Variants in EDA observed in about 807,000 individuals in gnomAD.
EDA encodes the protein ectodysplasin A.
EDA carries 2 observed loss-of-function variants against 23.6 expected under a neutral mutation model. The ratio of observed to expected loss-of-function variants is 0.08; its 90% CI spans 0.03 to 0.27. EDA has a LOEUF of 0.27. Among genes scored for constraint, EDA ranks in the 10% least tolerant of loss-of-function variants. The pLI, the probability that EDA is intolerant of heterozygous loss-of-function variation, is 1.00. For missense variants in EDA, 229 were observed against 324.2 expected, an observed-to-expected ratio of 0.71 and a Z score of 2.26; for synonymous variants, 131 against 132.0, an observed-to-expected ratio of 0.99 and a Z score of 0.05.
At chrX:69,825,686 GTC>G (rs1224520181) in intron 1 of EDA, among the ~76,000 whole-genome samples, 8 of 112,866 alleles carry the variant, frequency 7.1e-5, no homozygotes, top group African/African-American at 2.6e-4. Flanking sequence ...GGTTTTTTGT[GTC>G]TCTATTTCCT....
intron 1 of EDA, among the ~76,000 whole-genome samples, chrX:69,687,449 G>C (rs1934583268): frequency 9.0e-6 from 1 of 111,346 alleles, no homozygotes; most frequent in African/African-American, 3.3e-5. Flanking sequence ...ATGAACATGA[G>C]ATGTCTTTTC....
intron 1 of EDA, among the ~76,000 whole-genome samples, chrX:69,682,987 C>A (rs948811225): frequency 9.0e-6 from 1 of 111,421 alleles, no homozygotes; most frequent in Non-Finnish European, 1.9e-5. Flanking sequence ...TAGCTGGATA[C>A]CCCAGGTTTG....
At chrX:69,720,808 C>T (rs918345384) in intron 1 of EDA, among the ~76,000 whole-genome samples, 5 of 112,495 alleles carry the variant, frequency 4.4e-5, no homozygotes, top group South Asian at 3.6e-4. Context: ...ATAATAGCTG[C>T]TTTCAAATGT....
rs902407521 is a variant in EDA, at chrX:69,619,280, G to T, written c.396+2576G>T. ...GTAAGGAGTGAAGGCAAGCTGATGA[G>T]AGTAAACTGCAGGAAGCTCTCATGA... On this transcript the variant is annotated intron_variant, in intron 1 of 7. Coordinates refer to ENST00000374552, the MANE Select transcript of EDA (RefSeq NM_001399.5). Among the ~76,000 whole-genome samples the T allele has an allele frequency of 3.6e-5, 4 of 112,062 alleles. No homozygotes were observed. The Admixed American group carries it at 3.8e-4, about 11-fold the overall frequency.
At chrX:69,624,557 G>A (rs769531606) in intron 1 of EDA, among the ~76,000 whole-genome samples, 11 of 111,232 alleles carry the variant, frequency 9.9e-5, no homozygotes, top group Middle Eastern at 4.2e-3. Flanking sequence ...CTTCTGGCAC[G>A]TGGTTAGAGA....
chrX:69,746,765 A>G, intron 1 of EDA, among the ~76,000 whole-genome samples: 1 of 111,248 alleles, frequency 9.0e-6, no homozygotes, highest in Admixed American at 9.6e-5. Context: ...AAAGAAAGAA[A>G]TTGAAAAGAT....
At chrX:69,729,718 A>G in intron 1 of EDA, among the ~76,000 whole-genome samples, 1 of 111,720 alleles carries the variant, frequency 9.0e-6, no homozygotes, top group African/African-American at 3.3e-5. Flanking sequence ...CACATTTTCT[A>G]CCACTCCACC....
Position 69,657,965 on chromosome X carries a change from A to G in EDA, c.396+41261A>G, listed in dbSNP as rs543264081. 2.7e-3 allele frequency among the ~76,000 whole-genome samples: 305 copies of G among 111,477 alleles called. 12 individuals carry two copies. In the South Asian group the frequency reaches 0.091, roughly 33 times the overall value. On this transcript the variant is annotated intron_variant, in intron 1 of 7. Coordinates refer to ENST00000374552, the MANE Select transcript of EDA (RefSeq NM_001399.5). ...GCTATTCAAGCTGTTTTTTGGTTCC[A>G]TATGAAGCTTTGAATAGCTTTTTTT...
chrX:69,635,497 A>G (rs1932755696), intron 1 of EDA, among the ~76,000 whole-genome samples: 1 of 109,415 alleles, frequency 9.1e-6, no homozygotes, highest in South Asian at 4.0e-4. Context: ...TTACTTATCT[A>G]AGCCAGAAGT....
chrX:69,866,254 C>A (rs2017483857), intron 1 of EDA, among the ~76,000 whole-genome samples: 1 of 111,133 alleles, frequency 9.0e-6, no homozygotes, highest in Non-Finnish European at 1.9e-5. Flanking sequence ...CCTAATGGAT[C>A]TCCTGTATTC....
chrX:69,748,504 A>G (rs1003470957), intron 1 of EDA, among the ~76,000 whole-genome samples: 5 of 111,838 alleles, frequency 4.5e-5, no homozygotes, highest in Non-Finnish European at 9.4e-5. Context: ...AAATTAGGAT[A>G]TGTGCTGCTG....
intron 1 of EDA, among the ~76,000 whole-genome samples, chrX:69,742,174 G>T (rs899454448): frequency 9.0e-6 from 1 of 111,682 alleles, no homozygotes; most frequent in East Asian, 2.8e-4. Flanking sequence ...CCATGCCTTG[G>T]GTGGAACTTC....
In EDA at chrX:69,836,011, C is replaced by G. The variant is rs776611169; in HGVS notation, c.397-121016C>G. 3.6e-5 allele frequency among the ~76,000 whole-genome samples: 4 copies of G among 112,198 alleles called. No homozygotes were observed. In the Admixed American group the frequency reaches 3.8e-4, roughly 11 times the overall value. ...TGTTGGAGTTTGCTGGAGGTCCACTCCAGACCCTGTGTGCCTGGGTATCAC... is the reference window on the plus strand; with the variant it reads ...TGTTGGAGTTTGCTGGAGGTCCACTGCAGACCCTGTGTGCCTGGGTATCAC... On this transcript the variant is annotated intron_variant, in intron 1 of 7. Transcript: ENST00000374552.
intron 1 of EDA, among the ~76,000 whole-genome samples, chrX:69,702,089 C>T (rs997878241): frequency 3.6e-5 from 4 of 111,271 alleles, no homozygotes; most frequent in African/African-American, 9.8e-5. Flanking sequence ...GGAAATGAAC[C>T]AAGTCTTTTG....
At chrX:69,915,589 G>C (rs1177649398) in intron 1 of EDA, among the ~76,000 whole-genome samples, 2 of 41,886 alleles carry the variant, frequency 4.8e-5, no homozygotes, top group African/African-American at 1.2e-4. Context: ...GGCAACAAGA[G>C]CGAAAAAAAA....
chrX:69,972,229 T>C (rs2019257876), intron 2 of EDA, among the ~76,000 whole-genome samples: 1 of 111,784 alleles, frequency 8.9e-6, no homozygotes, highest in Admixed American at 9.5e-5. Flanking sequence ...TCTCCCCTTC[T>C]TCTCCCAAAT....
At chrX:69,935,722 T>C (rs1302679248) in intron 1 of EDA, among the ~76,000 whole-genome samples, 1 of 110,182 alleles carries the variant, frequency 9.1e-6, no homozygotes, top group African/African-American at 3.3e-5. Flanking sequence ...GGGTTAATGA[T>C]TACCGAAAAG....
chrX:69,721,834 GTT>G (rs986104759), intron 1 of EDA, among the ~76,000 whole-genome samples: 5 of 111,291 alleles, frequency 4.5e-5, no homozygotes, highest in African/African-American at 6.5e-5. Context: ...TCATTTCCAG[GTT>G]TTATAGTTGT....
chrX:69,843,209 TTTTTA>T (rs1420606256), intron 1 of EDA, among the ~76,000 whole-genome samples: 1 of 112,386 alleles, frequency 8.9e-6, no homozygotes, highest in Non-Finnish European at 1.9e-5. Flanking sequence ...ACAGTTGTCT[TTTTTA>T]TTTTGTTTTT....
Sources: allele counts gnomAD v4.1 joint callset (sites outside exome capture counted in the v4.1 genomes callset), GRCh38; gene constraint gnomAD v4.1.1; transcripts MANE v1.5; gene names NCBI Gene and HGNC (gene_info 2026-07-23, HGNC 2026-07-21).